Variants in COMMD10 observed in about 807,000 individuals in gnomAD.
COMMD10 encodes the protein COMM domain containing 10, also known as COMM domain-containing protein 10.
Under a neutral mutation model 28.9 loss-of-function variants are expected in COMMD10, and 33 were observed. The ratio of observed to expected loss-of-function variants is 1.14; its 90% CI spans 0.87 to 1.53. The LOEUF is 1.53. COMMD10 is among the 40% of genes most tolerant of loss of function. COMMD10 has a pLI of 0.00. For synonymous variants in COMMD10, 110 were observed against 81.7 expected (o/e 1.35, Z -1.87); for missense variants, 310 against 233.4 (o/e 1.33, Z -2.14).
At chr5:116,174,439 T>G (rs1753436535) in intron 5 of COMMD10, among the ~76,000 whole-genome samples, 1 of 152,278 alleles carries the variant, frequency 6.6e-6, no homozygotes, top group South Asian at 2.1e-4. Flanking sequence ...GAAACATACA[T>G]GTTCTGAATT....
intron 5 of COMMD10, among the ~76,000 whole-genome samples, chr5:116,216,600 C>T (rs920723115): frequency 3.3e-5 from 5 of 152,136 alleles, no homozygotes; most frequent in African/African-American, 9.7e-5. Context: ...GGCGCGATCT[C>T]GGCTCACTGC....
At chr5:116,202,772 G>A (rs1014808599) in intron 5 of COMMD10, among the ~76,000 whole-genome samples, 1 of 151,266 alleles carries the variant, frequency 6.6e-6, no homozygotes, top group Non-Finnish European at 1.5e-5. Flanking sequence ...GTTCATTGTA[G>A]ATTCTGGATA....
intron 5 of COMMD10, among the ~76,000 whole-genome samples, chr5:116,212,561 A>C (rs1487289698): frequency 1.0e-5 from 1 of 97,408 alleles, no homozygotes; most frequent in African/African-American, 3.1e-5. Flanking sequence ...ATGTGGGTGT[A>C]AAGTGAAGAG....
chr5:116,258,928 T>A (rs532606130), intron 5 of COMMD10, among the ~76,000 whole-genome samples: 1 of 151,732 alleles, frequency 6.6e-6, no homozygotes, highest in African/African-American at 2.4e-5. Flanking sequence ...ATTCTTTTTT[T>A]CAGTAGCTAC....
intron 5 of COMMD10, among the ~76,000 whole-genome samples, chr5:116,166,033 T>A (rs1428924912): frequency 6.6e-6 from 1 of 152,150 alleles, no homozygotes; most frequent in Middle Eastern, 3.2e-3. Flanking sequence ...AAGAGTGTCA[T>A]CCTCAACTAT....
At chr5:116,108,487 C>T (rs1441143059) in intron 4 of COMMD10, among the ~76,000 whole-genome samples, 2 of 152,234 alleles carry the variant, frequency 1.3e-5, no homozygotes, top group African/African-American at 2.4e-5. Flanking sequence ...CTTTGTTACA[C>T]TGTGAGGGTA....
chr5:116,103,858 T>G (rs1750744942), intron 4 of COMMD10, among the ~76,000 whole-genome samples: 1 of 152,222 alleles, frequency 6.6e-6, no homozygotes, highest in Non-Finnish European at 1.5e-5. Flanking sequence ...TTTTCACTTT[T>G]CCACACAGGG....
intron 5 of COMMD10, among the ~76,000 whole-genome samples, chr5:116,135,325 A>G (rs1175947121): frequency 6.6e-6 from 1 of 152,196 alleles, no homozygotes. Flanking sequence ...TATTCATTCT[A>G]TTATGCAGGT....
chr5:116,245,069 A>T (rs1749907920), intron 5 of COMMD10, among the ~76,000 whole-genome samples: 1 of 151,978 alleles, frequency 6.6e-6, no homozygotes, highest in African/African-American at 2.4e-5. Flanking sequence ...AAAATTAATA[A>T]AATACATAGA....
At chr5:116,109,859 G>T (rs554432614) in intron 4 of COMMD10, among the ~76,000 whole-genome samples, 1 of 152,266 alleles carries the variant, frequency 6.6e-6, no homozygotes, top group African/African-American at 2.4e-5. Flanking sequence ...CCATTTAGAA[G>T]CCTTTTATCT....
intron 5 of COMMD10, among the ~76,000 whole-genome samples, chr5:116,161,447 A>C (rs1405275229): frequency 6.6e-6 from 1 of 152,160 alleles, no homozygotes; most frequent in Non-Finnish European, 1.5e-5. Flanking sequence ...CTTGAACAAT[A>C]CCGGGTCTAG....
At chr5:116,148,393 T>TA (rs1393942571) in intron 5 of COMMD10, among the ~76,000 whole-genome samples, 1 of 151,862 alleles carries the variant, frequency 6.6e-6, no homozygotes, top group Non-Finnish European at 1.5e-5. Flanking sequence ...ATAGAGTAGA[T>TA]ACGAAGTTTC....
chr5:116,190,528 C>G (rs1357500877), intron 5 of COMMD10, among the ~76,000 whole-genome samples: 1 of 152,142 alleles, frequency 6.6e-6, no homozygotes, highest in African/African-American at 2.4e-5. Context: ...AGTTCCATAA[C>G]CCATTACACT....
At chr5:116,270,005 C>A (rs1295935489) in intron 5 of COMMD10, among the ~76,000 whole-genome samples, 6 of 150,444 alleles carry the variant, frequency 4.0e-5, no homozygotes, top group African/African-American at 1.5e-4. Flanking sequence ...TATTTTCTGA[C>A]TTTCAAGCCT....
intron 5 of COMMD10, among the ~76,000 whole-genome samples, chr5:116,134,821 C>T (rs568331497): frequency 1.3e-5 from 2 of 152,192 alleles, no homozygotes; most frequent in South Asian, 2.1e-4. Flanking sequence ...TGGGGTTTCA[C>T]CGTGTTAGCC....
At chr5:116,269,160 T>G (rs572502305) in intron 5 of COMMD10, among the ~76,000 whole-genome samples, 1 of 151,964 alleles carries the variant, frequency 6.6e-6, no homozygotes, top group Non-Finnish European at 1.5e-5. Context: ...CTGTCATGAA[T>G]TTTTCCCACG....
intron 5 of COMMD10, among the ~76,000 whole-genome samples, chr5:116,212,447 G>C (rs1458431822): frequency 6.7e-6 from 1 of 149,236 alleles, no homozygotes; most frequent in East Asian, 2.0e-4. Flanking sequence ...GGCCTGCAAG[G>C]GGAATGAATA....
At chr5:116,243,540 A>T (rs1486648384) in intron 5 of COMMD10, among the ~76,000 whole-genome samples, 2 of 152,148 alleles carry the variant, frequency 1.3e-5, no homozygotes, top group Non-Finnish European at 2.9e-5. Flanking sequence ...CTTGGTGTTT[A>T]AACAAATAAA....
At chr5:116,256,730 C>G (rs1257285812) in intron 5 of COMMD10, among the ~76,000 whole-genome samples, 2 of 151,680 alleles carry the variant, frequency 1.3e-5, no homozygotes, top group Non-Finnish European at 2.9e-5. Flanking sequence ...TTATGTATAT[C>G]ATAAACATAT....
Sources: gnomAD v4.1 joint callset for allele counts (sites outside exome capture counted in the v4.1 genomes callset) on GRCh38, gnomAD v4.1.1 for gene constraint, MANE v1.5 for transcripts, NCBI Gene and HGNC (gene_info 2026-07-23, HGNC 2026-07-21) for gene names.